Variants in COL24A1 observed in about 807,000 individuals in gnomAD.
The protein encoded by COL24A1 is collagen alpha-1(XXIV) chain.
COL24A1 carries 224 observed loss-of-function variants against 253.9 expected under a neutral mutation model. The observed-to-expected ratio is 0.88, with a 90% CI of 0.79 to 0.99. The LOEUF (loss-of-function observed/expected upper bound fraction) is 0.99. Ranked by LOEUF, COL24A1 falls within the 50% of genes least tolerant of loss-of-function variation. The pLI is 0.00. For missense variants in COL24A1, 2,131 were observed against 2,068.5 expected (o/e 1.03, Z -0.59); for synonymous variants, 685 against 673.7 (o/e 1.02, Z -0.26).
intron 2 of COL24A1, among the ~76,000 whole-genome samples, chr1:86,128,529 G>A (rs925086098): frequency 6.6e-6 from 1 of 151,924 alleles, no homozygotes; most frequent in Non-Finnish European, 1.5e-5. Context: ...AGGGCTGCAC[G>A]CTGCCCCAAG....
At chr1:86,028,423 C>T (rs879715453) in intron 14 of COL24A1, among the ~76,000 whole-genome samples, 7 of 152,118 alleles carry the variant, frequency 4.6e-5, no homozygotes, top group Admixed American at 6.6e-5. Flanking sequence ...CCATGCTGTT[C>T]CCATGATAGT....
At chr1:86,061,191 C>T (rs1701065113) in intron 8 of COL24A1, among the ~76,000 whole-genome samples, 1 of 151,978 alleles carries the variant, frequency 6.6e-6, no homozygotes, top group South Asian at 2.1e-4. Flanking sequence ...CAAAAAACAT[C>T]CAATAGCACT....
intron 24 of COL24A1, among the ~76,000 whole-genome samples, chr1:85,924,480 G>A (rs750190482): frequency 1.3e-5 from 2 of 152,182 alleles, no homozygotes; most frequent in Non-Finnish European, 2.9e-5. Flanking sequence ...CCATTACCAA[G>A]TTGGCTTCAT....
rs148387379 is a variant in COL24A1 at position 86,045,269 on chromosome 1, T to C, written c.1950+1556A>G. ...CCTCCCAAAGTGCTGGGATTACAGG[T>C]GTGAGCCACCGCGCCCAGCCTTCAG... On this transcript the variant is annotated intron_variant, in intron 12 of 59. Coordinates refer to ENST00000370571, the MANE Select transcript of COL24A1 (RefSeq NM_152890.7). Among the ~76,000 whole-genome samples, 373 of 152,212 alleles carry C rather than the reference T, an allele frequency of 2.5e-3. 10 individuals carry two copies. In the East Asian group the frequency reaches 0.046, roughly 19 times the overall value.
intron 19 of COL24A1, among the ~76,000 whole-genome samples, chr1:86,009,710 G>C (rs1398426342): frequency 6.6e-6 from 1 of 152,088 alleles, no homozygotes; most frequent in Admixed American, 6.5e-5. Context: ...GAAGGCCTAG[G>C]GCATTACTGT....
At chr1:85,839,328 G>A (rs759872150) in intron 42 of COL24A1, among the ~76,000 whole-genome samples, 4 of 152,062 alleles carry the variant, frequency 2.6e-5, no homozygotes, top group Non-Finnish European at 5.9e-5. Flanking sequence ...ATTTAAGCAG[G>A]ACAGTTCAGT....
At chr1:85,896,963 T>C (rs2102809698) in intron 28 of COL24A1, among the ~76,000 whole-genome samples, 1 of 152,332 alleles carries the variant, frequency 6.6e-6, no homozygotes, top group South Asian at 2.1e-4. Flanking sequence ...GAGGTGGTTA[T>C]AATATAGGTG....
chr1:85,735,366 A>G (rs542395471), intron 58 of COL24A1, among the ~76,000 whole-genome samples: 35 of 152,320 alleles, frequency 2.3e-4, no homozygotes, highest in African/African-American at 8.4e-4. Context: ...ACAGTATATA[A>G]AGTAACAATT....
intron 12 of COL24A1, among the ~76,000 whole-genome samples, chr1:86,039,908 T>G (rs754430654): frequency 2.7e-4 from 41 of 152,020 alleles, no homozygotes; most frequent in Admixed American, 1.6e-3. Context: ...AAGGACAATT[T>G]GATCCACACT....
intron 24 of COL24A1, among the ~76,000 whole-genome samples, chr1:85,949,043 C>T (rs1426274173): frequency 6.6e-6 from 1 of 152,094 alleles, no homozygotes; most frequent in African/African-American, 2.4e-5. Flanking sequence ...TATCGGTTAT[C>T]GTGACATATT....
At position 85,874,698 on chromosome 1, in the gene COL24A1, T is replaced by A; in HGVS notation, c.3089A>T (p.Asp1030Val). 2 of 1,612,184 alleles carry A rather than the reference T, an allele frequency of 1.2e-6. No homozygotes were observed. Among genetic ancestry groups the A allele is most frequent in the East Asian group, 2.2e-5 (1 of 44,872 alleles). The change falls in exon 35 of 60, where the codon GAT becomes GTT. Residue 1030 changes from aspartate to valine, a missense_variant. Physicochemically the swap from Asp to Val is radical, Grantham distance 152. Transcript: ENST00000370571. ...GLQGEPGAKGDVGTAGSVGGT... is the reference protein window; with the variant it reads ...GLQGEPGAKGVVGTAGSVGGT... ...TCCAACACTGCCAGCAGTTCCAACA[T>A]CTCCCTGAAGAAACAAAGGGAAAGA...
intron 47 of COL24A1, among the ~76,000 whole-genome samples, chr1:85,790,377 T>G (rs1423456176): frequency 1.3e-5 from 2 of 152,160 alleles, no homozygotes; most frequent in Non-Finnish European, 2.9e-5. Flanking sequence ...TTGTTTGTAT[T>G]TTTTGTGGGG....
chr1:86,001,482 G>C (rs924259675), intron 19 of COL24A1, among the ~76,000 whole-genome samples: 1 of 152,164 alleles, frequency 6.6e-6, no homozygotes, highest in African/African-American at 2.4e-5. Context: ...TCATCCATAA[G>C]TTTTTCCCTG....
intron 59 of COL24A1, among the ~76,000 whole-genome samples, chr1:85,731,484 T>C (rs1317719886): frequency 6.6e-6 from 1 of 152,240 alleles, no homozygotes; most frequent in East Asian, 1.9e-4. Context: ...ATAAGTTACT[T>C]GTCTAAAGTC....
chr1:86,137,532 T>C (rs1332801938), intron 2 of COL24A1, among the ~76,000 whole-genome samples: 2 of 152,148 alleles, frequency 1.3e-5, no homozygotes, highest in African/African-American at 2.4e-5. Flanking sequence ...CTTCTTAACA[T>C]GGTGAAATTT....
At chr1:85,921,198 G>A (rs1686432015) in intron 24 of COL24A1, among the ~76,000 whole-genome samples, 1 of 152,216 alleles carries the variant, frequency 6.6e-6, no homozygotes, top group African/African-American at 2.4e-5. Flanking sequence ...AGCCATGACA[G>A]AATACACCTG....
chr1:86,076,216 G>T (rs1349434451), intron 7 of COL24A1, among the ~76,000 whole-genome samples: 1 of 152,100 alleles, frequency 6.6e-6, no homozygotes, highest in South Asian at 2.1e-4. Context: ...CAAAATCACT[G>T]TGCAAAAATC....
intron 57 of COL24A1, among the ~76,000 whole-genome samples, chr1:85,744,109 C>G (rs943331211): frequency 6.6e-6 from 1 of 152,018 alleles, no homozygotes; most frequent in African/African-American, 2.4e-5. Flanking sequence ...ACTTACTCCT[C>G]TTGATTTAAA....
chr1:86,109,325 A>AT (rs58951809), intron 5 of COL24A1, among the ~76,000 whole-genome samples: 144,184 of 152,066 alleles, frequency 0.95, 68,449 homozygotes, highest in South Asian at 0.98. Context: ...CAGGTGAGAA[A>AT]TTTTGGAAAT....
Sources: allele counts gnomAD v4.1 joint callset (sites outside exome capture counted in the v4.1 genomes callset), GRCh38; gene constraint gnomAD v4.1.1; transcripts MANE v1.5; gene names NCBI Gene and HGNC (gene_info 2026-07-23, HGNC 2026-07-21).